The following PID1 variants were observed in gnomAD, a reference collection of about 807,000 sequenced individuals.
PID1 encodes the protein phosphotyrosine interaction domain containing 1.
PID1 carries 10 observed loss-of-function variants against 19.1 expected under a neutral mutation model. The observed-to-expected ratio is 0.52, with a 90% CI of 0.32 to 0.89. The LOEUF (loss-of-function observed/expected upper bound fraction) is 0.89. Ranked by LOEUF, PID1 falls within the 40% of genes least tolerant of loss-of-function variation. PID1 has a pLI of 0.03. For synonymous variants in PID1, 130 were observed against 116.0 expected, an observed-to-expected ratio of 1.12 and a Z score of -0.78; for missense variants, 248 against 285.3, an observed-to-expected ratio of 0.87 and a Z score of 0.94.
chr2:229,262,281 G>A (rs935883646), intron 1 of PID1, among the ~76,000 whole-genome samples: 9 of 152,116 alleles, frequency 5.9e-5, no homozygotes, highest in Admixed American at 2.0e-4. Context: ...TCTCCAAAGC[G>A]AACCATCTTC....
intron 1 of PID1, among the ~76,000 whole-genome samples, chr2:229,195,677 CAA>C (rs1691363608): frequency 6.6e-6 from 1 of 151,860 alleles, no homozygotes; most frequent in Non-Finnish European, 1.5e-5. Context: ...AGCATATAGA[CAA>C]GCATATATAC....
intron 2 of PID1, among the ~76,000 whole-genome samples, chr2:229,047,324 C>A (rs999260123): frequency 6.6e-6 from 1 of 152,196 alleles, no homozygotes; most frequent in South Asian, 2.1e-4. Flanking sequence ...GGAATTTACA[C>A]CCAGGCCAAA....
intron 1 of PID1, among the ~76,000 whole-genome samples, chr2:229,262,247 T>C (rs1382617681): frequency 6.6e-6 from 1 of 152,174 alleles, no homozygotes; most frequent in East Asian, 1.9e-4. Flanking sequence ...TAACTGTGTT[T>C]CACATTCCAG....
chr2:229,136,015 G>C (rs965658861), intron 2 of PID1, among the ~76,000 whole-genome samples: 1 of 152,104 alleles, frequency 6.6e-6, no homozygotes, highest in African/African-American at 2.4e-5. Flanking sequence ...GTTATGACTT[G>C]CTTCTAAGAT....
intron 2 of PID1, among the ~76,000 whole-genome samples, chr2:229,037,243 A>G (rs1327289541): frequency 6.6e-6 from 1 of 152,198 alleles, no homozygotes; most frequent in Non-Finnish European, 1.5e-5. Flanking sequence ...TTTATTAGGA[A>G]ATCTATTTTT....
chr2:229,139,045 GAAAGAAAGAA>G (rs1689933057), intron 2 of PID1, among the ~76,000 whole-genome samples: 1 of 67,762 alleles, frequency 1.5e-5, no homozygotes, highest in African/African-American at 5.4e-5. Context: ...GAAAGAGAAA[GAAAGAAAGAA>G]AGAGAAAGAA....
intron 1 of PID1, among the ~76,000 whole-genome samples, chr2:229,212,887 G>A (rs999032953): frequency 1.3e-5 from 2 of 151,942 alleles, no homozygotes; most frequent in African/African-American, 4.8e-5. Context: ...CGTCCCGGCT[G>A]ACCCACCTGA....
chr2:229,095,668 C>T (rs1218325923), intron 2 of PID1, among the ~76,000 whole-genome samples: 1 of 152,160 alleles, frequency 6.6e-6, no homozygotes, highest in Non-Finnish European at 1.5e-5. Flanking sequence ...ACACTGGAAT[C>T]TGTCAGCATA....
At chr2:229,096,029 ATGT>A (rs1315465667) in intron 2 of PID1, among the ~76,000 whole-genome samples, 7 of 152,164 alleles carry the variant, frequency 4.6e-5, no homozygotes, top group African/African-American at 1.7e-4. Context: ...ATGTCAAATG[ATGT>A]TGGAGAATAG....
chr2:229,221,164 T>C (rs913919301), intron 1 of PID1, among the ~76,000 whole-genome samples: 1 of 152,184 alleles, frequency 6.6e-6, no homozygotes, highest in Non-Finnish European at 1.5e-5. Flanking sequence ...TGTCTTGGTA[T>C]GCCCAAGACT....
chr2:229,177,986 C>T (rs748944648), intron 1 of PID1, among the ~76,000 whole-genome samples: 6 of 152,124 alleles, frequency 3.9e-5, no homozygotes, highest in Non-Finnish European at 8.8e-5. Flanking sequence ...GTCTCCCCAC[C>T]GACAAACCTT....
At chr2:229,222,390 T>C (rs1342960293) in intron 1 of PID1, among the ~76,000 whole-genome samples, 4 of 152,232 alleles carry the variant, frequency 2.6e-5, no homozygotes, top group East Asian at 1.9e-4. Flanking sequence ...ATTAAAAGCA[T>C]AGTATAAATA....
chr2:229,210,584 C>A (rs1691712279), intron 1 of PID1, among the ~76,000 whole-genome samples: 1 of 133,308 alleles, frequency 7.5e-6, no homozygotes, highest in South Asian at 2.6e-4. Context: ...CAGAAGACTT[C>A]AAGTCACTTT....
chr2:229,207,170 C>T (rs895908872), intron 1 of PID1, among the ~76,000 whole-genome samples: 2 of 152,056 alleles, frequency 1.3e-5, no homozygotes, highest in African/African-American at 4.8e-5. Flanking sequence ...AAGTTTTACA[C>T]AAGTCTTCAT....
chr2:229,135,808 A>G (rs1334647983), intron 2 of PID1, among the ~76,000 whole-genome samples: 3 of 152,208 alleles, frequency 2.0e-5, no homozygotes, highest in African/African-American at 7.2e-5. Flanking sequence ...GAGAAGAGCA[A>G]TCATGTGACA....
chr2:229,025,773 G>A lies in PID1; in HGVS notation c.513C>T (p.Ser171=). The part of the protein sequence containing the change: ...QMDCHAVECE[S]KLEAKKLAHA... Reference sequence around the variant, plus strand: ...GGGCCAGTTTCTTGGCCTCGAGCTTGCTCTCGCACTCCACGGCGTGGCAGT... The same window carrying A: ...GGGCCAGTTTCTTGGCCTCGAGCTTACTCTCGCACTCCACGGCGTGGCAGT... Residue 171 remains serine, a synonymous_variant, in exon 3 of 3, where the codon AGC becomes AGT. Transcript: ENST00000392055. The A allele has an allele frequency of 6.2e-7, 1 of 1,614,236 alleles. No individual in the cohort carries two copies. The highest frequency in any genetic ancestry group is 8.5e-7 in the Non-Finnish European group (1 of 1,180,032).
At chr2:229,054,725 G>A (rs960752464) in intron 2 of PID1, among the ~76,000 whole-genome samples, 2 of 115,636 alleles carry the variant, frequency 1.7e-5, no homozygotes, top group East Asian at 5.1e-4. Context: ...TGTGTGGGGG[G>A]GGGGGGGGGT....
chr2:229,202,069 A>T (rs1691509921), intron 1 of PID1, among the ~76,000 whole-genome samples: 1 of 152,052 alleles, frequency 6.6e-6, no homozygotes, highest in African/African-American at 2.4e-5. Context: ...TTTTTAAAAT[A>T]TTTTTTTAAA....
At chr2:229,159,701 G>A (rs759493716) in intron 1 of PID1, among the ~76,000 whole-genome samples, 1 of 152,134 alleles carries the variant, frequency 6.6e-6, no homozygotes, top group East Asian at 1.9e-4. Flanking sequence ...ATAAAAAGTT[G>A]CCAGCTCTGA....
Sources: gnomAD v4.1 joint callset for allele counts (sites outside exome capture counted in the v4.1 genomes callset) on GRCh38, gnomAD v4.1.1 for gene constraint, MANE v1.5 for transcripts, NCBI Gene and HGNC (gene_info 2026-07-23, HGNC 2026-07-21) for gene names.